Variants in RNF17 observed in about 807,000 individuals in gnomAD.
The protein encoded by RNF17 is ring finger protein 17.
RNF17 carries 31 observed loss-of-function variants against 200.5 expected under a neutral mutation model. The ratio of observed to expected loss-of-function variants is 0.15; its 90% confidence interval spans 0.12 to 0.21. The LOEUF is 0.21. Ranked by LOEUF, RNF17 falls within the 10% of genes least tolerant of loss-of-function variation. The pLI, the probability that RNF17 is intolerant of heterozygous loss-of-function variation, is 1.00. For missense variants in RNF17, 1,628 were observed against 1,905.1 expected (o/e 0.85, Z 2.71); for synonymous variants, 606 against 637.8 (o/e 0.95, Z 0.75).
intron 2 of RNF17, among the ~76,000 whole-genome samples, chr13:24,770,885 C>T (rs1309153619): frequency 2.0e-5 from 3 of 152,154 alleles, no homozygotes; most frequent in African/African-American, 7.2e-5. Flanking sequence ...CTCAACCTCA[C>T]CTCCATCAGT....
At chr13:24,750,716 AAC>A in the RNF17 span, 6 of 152,194 alleles carry the variant, frequency 3.9e-5, no homozygotes, top group Admixed American at 3.3e-4. Context: ...TTTATACTGA[AAC>A]AGTCTTTTAA....
At chr13:24,798,273 C>T (rs1446293) in intron 11 of RNF17, among the ~76,000 whole-genome samples, 149,612 of 152,292 alleles carry the variant, frequency 0.98, 73,530 homozygotes, top group Middle Eastern at 1. Flanking sequence ...GGTTTTGTTA[C>T]GCCATTTTGC....
chr13:24,865,462 G>A (rs1484481465), intron 29 of RNF17, among the ~76,000 whole-genome samples: 1 of 152,066 alleles, frequency 6.6e-6, no homozygotes, highest in Non-Finnish European at 1.5e-5. Context: ...TCCTTGCCTG[G>A]TGCTTCTGTG....
chr13:24,772,864 C>A (rs1880984377), intron 2 of RNF17, among the ~76,000 whole-genome samples: 1 of 152,134 alleles, frequency 6.6e-6, no homozygotes, highest in Admixed American at 6.5e-5. Flanking sequence ...CCCGCCTCAG[C>A]CTCCCAAAAG....
downstream of RNF17, chr13:24,883,924 A>G: frequency 6.2e-7 from 1 of 1,613,602 alleles, no homozygotes; most frequent in South Asian, 1.1e-5. Flanking sequence ...AACAGGTGTC[A>G]CACTGAGTGG....
chr13:24,878,904 C>T (rs1162574733), intron 34 of RNF17, among the ~76,000 whole-genome samples: 2 of 152,082 alleles, frequency 1.3e-5, no homozygotes, highest in East Asian at 3.9e-4. Flanking sequence ...AGGTATAATG[C>T]TTTGTGTGGA....
At chr13:24,871,454 C>T (rs1011830016) in intron 32 of RNF17, among the ~76,000 whole-genome samples, 13 of 152,238 alleles carry the variant, frequency 8.5e-5, no homozygotes, top group African/African-American at 3.1e-4. Context: ...TCTCCTGCCT[C>T]AGCCTCCCAA....
chr13:24,872,583 T>A (rs1894414387), intron 32 of RNF17, among the ~76,000 whole-genome samples: 1 of 152,118 alleles, frequency 6.6e-6, no homozygotes, highest in Non-Finnish European at 1.5e-5. Context: ...GTGTTAGGAA[T>A]ACAAACATCA....
chr13:24,797,235 A>G (rs1426924078), intron 11 of RNF17, among the ~76,000 whole-genome samples: 1 of 152,198 alleles, frequency 6.6e-6, no homozygotes, highest in Non-Finnish European at 1.5e-5. Context: ...AGACAGCCAG[A>G]AAGTTGTGCT....
intron 34 of RNF17, 77 bp from the exon 35 acceptor site, chr13:24,879,110 G>A: frequency 9.3e-7 from 1 of 1,077,746 alleles, no homozygotes; most frequent in Non-Finnish European, 1.4e-6. Flanking sequence ...TCACACCCGT[G>A]TGAATGGCCA....
At chr13:24,846,402 G>A (rs1891261394) in intron 22 of RNF17, among the ~76,000 whole-genome samples, 1 of 152,036 alleles carries the variant, frequency 6.6e-6, no homozygotes, top group Admixed American at 6.6e-5. Flanking sequence ...AAAAATAACT[G>A]GCCCTCCCCC....
the RNF17 span, among the ~76,000 whole-genome samples, chr13:24,758,613 G>A: frequency 6.6e-6 from 1 of 152,024 alleles, no homozygotes; most frequent in African/African-American, 2.4e-5. Context: ...AGCTACCAGG[G>A]ATTAACCACT....
chr13:24,869,178 G>A (rs1300549232), intron 31 of RNF17, among the ~76,000 whole-genome samples: 1 of 152,162 alleles, frequency 6.6e-6, no homozygotes, highest in African/African-American at 2.4e-5. Flanking sequence ...CTAGGCACCC[G>A]GTGAATATTG....
At chr13:24,883,091 CAATA>C, downstream of RNF17, 4 of 1,216,712 alleles carry the variant, frequency 3.3e-6, no homozygotes, top group Non-Finnish European at 4.9e-6. Context: ...CACACATACA[CAATA>C]AATTAAACAG....
chr13:24,781,828 T>C lies in RNF17; in HGVS notation c.511-16T>C. The C allele has an allele frequency of 3.8e-4, 1 of 2,602 alleles. No homozygotes were observed. The allele number at this position is 2,602 out of a possible 1,614,324, so 0.2% of individuals were successfully genotyped here. Reference sequence around the variant, plus strand: ...ATTCCCAAATTAAGTTTTTGTCTTGTTTTTTTTTTTTCCAGGCACTTGAAC... The same window carrying C: ...ATTCCCAAATTAAGTTTTTGTCTTGCTTTTTTTTTTTCCAGGCACTTGAAC... On this transcript the variant is annotated splice_polypyrimidine_tract_variant and intron_variant, in intron 5 of 35. Transcript: ENST00000255324.
At chr13:24,829,216 G>A (rs975916201) in intron 16 of RNF17, among the ~76,000 whole-genome samples, 2 of 152,046 alleles carry the variant, frequency 1.3e-5, no homozygotes, top group Non-Finnish European at 2.9e-5. Context: ...CTTGTTTTCT[G>A]GATGCCATGT....
intron 22 of RNF17, among the ~76,000 whole-genome samples, chr13:24,847,609 G>A (rs999729892): frequency 6.6e-6 from 1 of 152,118 alleles, no homozygotes; most frequent in Admixed American, 6.6e-5. Flanking sequence ...GCCTCCCAAG[G>A]TGCTGGGATT....
intron 34 of RNF17, among the ~76,000 whole-genome samples, chr13:24,878,084 A>T (rs540164416): frequency 6.6e-6 from 1 of 152,318 alleles, no homozygotes; most frequent in South Asian, 2.1e-4. Flanking sequence ...TGTTCAGTTC[A>T]CCTAGTCCTC....
chr13:24,824,400 A>C (rs1279880569), intron 15 of RNF17: 1 of 411,804 alleles, frequency 2.4e-6, no homozygotes, highest in Non-Finnish European at 4.3e-6. Context: ...TTTTAAAGTA[A>C]TTTAAATGAA....
Sources: allele counts gnomAD v4.1 joint callset (sites outside exome capture counted in the v4.1 genomes callset), GRCh38; gene constraint gnomAD v4.1.1; transcripts MANE v1.5; gene names NCBI Gene and HGNC (gene_info 2026-07-23, HGNC 2026-07-21).